The following COL6A6 variants were observed in gnomAD, a reference collection of about 807,000 sequenced individuals.
COL6A6 encodes the protein collagen type VI alpha 6 chain.
A neutral mutation model predicts 208.6 loss-of-function variants in COL6A6; 183 were observed. That is an observed-to-expected ratio of 0.88 (90% CI 0.78 to 0.99). COL6A6 has a LOEUF of 0.99. Ranked by LOEUF, COL6A6 falls within the 50% of genes least tolerant of loss-of-function variation. COL6A6 has a pLI of 0.00. For missense variants in COL6A6, 2,816 were observed against 2,815.2 expected, an observed-to-expected ratio of 1.00 and a Z score of -0.01; for synonymous variants, 973 against 1,011.8, an observed-to-expected ratio of 0.96 and a Z score of 0.73.
chr3:130,529,585 C>T (rs1021970023), intron 1 of COL6A6, among the ~76,000 whole-genome samples: 2 of 152,184 alleles, frequency 1.3e-5, no homozygotes, highest in Non-Finnish European at 2.9e-5. Flanking sequence ...CTGCCTTGGA[C>T]ATGCTGCCTC....
At chr3:130,520,516 G>T (rs892464876) in intron 1 of COL6A6, among the ~76,000 whole-genome samples, 1 of 152,166 alleles carries the variant, frequency 6.6e-6, no homozygotes, top group Non-Finnish European at 1.5e-5. Flanking sequence ...GCTAATATAA[G>T]TCATGTACAG....
intron 10 of COL6A6, 146 bp downstream of exon 10, chr3:130,582,214 A>G: frequency 1.7e-6 from 1 of 596,082 alleles, no homozygotes; most frequent in Non-Finnish European, 2.9e-6. Context: ...TAGGCAGAAC[A>G]AATGAGCTCT....
In COL6A6 at chr3:130,582,053, G is replaced by T; in HGVS notation, c.3955G>T (p.Glu1319Ter). The T allele has an allele frequency of 6.3e-7, 1 of 1,598,082 alleles. No individual in the cohort carries two copies. The highest frequency in any genetic ancestry group is 1.1e-5 in the South Asian group (1 of 89,616). The part of the protein sequence containing the change: ...DVEKLEQKSD[E>*]LRKEGLNALI... ...TGAGAAACTTGAACAAAAATCTGAT[G>T]AACTTAGAAAAGAAGGTACTGAGTA... Residue 1319 changes from glutamate (E) to a stop codon, truncating the protein, a stop_gained, in exon 10 of 37, where the codon GAA becomes TAA. Transcript: ENST00000358511. LOFTEE classifies it high-confidence loss of function.
In COL6A6 at chr3:130,676,073, A is replaced by T. The variant is rs1356668835; in HGVS notation, c.*676A>T. On this transcript the variant is annotated 3_prime_UTR_variant, in exon 37 of 37. Transcript: ENST00000358511. ...CATTAGGAAGCTTACTGCCATTTTG[A>T]TGGAGCTTGAAGCCCCCATTTTGAT... 6.6e-6 allele frequency: 1 copy of T among 152,202 alleles called. No homozygotes were observed. Among genetic ancestry groups the T allele is most frequent in the African/African-American group, 2.4e-5 (1 of 41,454 alleles). 9.4% of individuals were successfully genotyped at this position (152,202 alleles called of 1,614,324 possible). A position where few individuals can be genotyped will look rare whatever the true frequency, so the allele number is the denominator to read the frequency against.
chr3:130,601,102 T>G (rs1194439886), intron 20 of COL6A6, among the ~76,000 whole-genome samples: 1 of 152,234 alleles, frequency 6.6e-6, no homozygotes, highest in Non-Finnish European at 1.5e-5. Flanking sequence ...AAAATATACT[T>G]AGATGCCTAC....
intron 22 of COL6A6, among the ~76,000 whole-genome samples, chr3:130,610,026 A>G (rs77636404): frequency 0.033 from 4,997 of 150,046 alleles, 312 homozygotes; most frequent in African/African-American, 0.12. Flanking sequence ...AAGCATTTCA[A>G]TAGATTGACT....
chr3:130,653,771 A>G (rs114782048), intron 33 of COL6A6, among the ~76,000 whole-genome samples: 281 of 152,312 alleles, frequency 1.8e-3, no homozygotes, highest in Admixed American at 4.3e-3. Flanking sequence ...CTAAAACTAC[A>G]TCTTCCAGAC....
At chr3:130,518,172 TG>T (rs1488093386) in intron 1 of COL6A6, among the ~76,000 whole-genome samples, 1 of 152,190 alleles carries the variant, frequency 6.6e-6, no homozygotes, top group Non-Finnish European at 1.5e-5. Flanking sequence ...GAGGACCTTT[TG>T]CCAGTGGATG....
At chr3:130,653,440 T>C (rs1284769653) in intron 33 of COL6A6, among the ~76,000 whole-genome samples, 11 of 152,228 alleles carry the variant, frequency 7.2e-5, no homozygotes, top group Non-Finnish European at 1.6e-4. Context: ...TTATATATAA[T>C]TGTCTAGAAG....
rs192688320 is a variant in COL6A6 at position 130,612,717 on chromosome 3, T to C, written c.4815+2006T>C. On this transcript the variant is annotated intron_variant, in intron 23 of 36. Coordinates refer to ENST00000358511, the MANE Select transcript of COL6A6 (RefSeq NM_001102608.3). Reference sequence around the variant, plus strand: ...AATGAGGCCCCTCTGGTGAGGTCTATGTACATGAGGGTGAGAGGTGGGTTA... The same window carrying C: ...AATGAGGCCCCTCTGGTGAGGTCTACGTACATGAGGGTGAGAGGTGGGTTA... 1.4e-3 allele frequency among the ~76,000 whole-genome samples: 209 copies of C among 152,092 alleles called. 1 individual carries two copies. The highest frequency in any genetic ancestry group is 4.4e-3 in the African/African-American group (183 of 41,500).
Position 130,567,201 on chromosome 3 carries a change from T to C in COL6A6, c.1782T>C (p.His594=). The C allele has an allele frequency of 6.2e-7, 1 of 1,613,338 alleles. No individual in the cohort carries two copies. The highest frequency in any genetic ancestry group is 8.5e-7 in the Non-Finnish European group (1 of 1,179,868). The change falls in exon 5 of 37, where the codon CAT becomes CAC. Residue 594 remains histidine (H), a synonymous_variant. Coordinates refer to ENST00000358511, the MANE Select transcript of COL6A6 (RefSeq NM_001102608.3). The stretch of plus-strand genomic sequence containing the variant: ...AGGAAAAGAGAGTGTATTACGTGCA[T>C]GACTTTGATGCATTGAAAGACATAA... ...AGEEKRVYYV[H]DFDALKDIRN...
At chr3:130,651,218 G>C (rs1456280353) in intron 33 of COL6A6, among the ~76,000 whole-genome samples, 2 of 152,070 alleles carry the variant, frequency 1.3e-5, no homozygotes, top group Non-Finnish European at 2.9e-5. Flanking sequence ...ACGAGGTCCA[G>C]AGATTGAGAC....
chr3:130,622,483 A>G (rs1313577194), intron 24 of COL6A6, among the ~76,000 whole-genome samples: 1 of 152,148 alleles, frequency 6.6e-6, no homozygotes, highest in African/African-American at 2.4e-5. Flanking sequence ...ATGACATAAA[A>G]TAAAGATAAG....
intron 36 of COL6A6, 96 bp from the exon 37 acceptor site, chr3:130,675,106 T>C: frequency 1.3e-6 from 1 of 796,280 alleles, no homozygotes; most frequent in Admixed American, 3.5e-5. Context: ...AACAAGGAAA[T>C]GGGTGAAACA....
At chr3:130,546,859 T>G (rs1364491669) in intron 1 of COL6A6, among the ~76,000 whole-genome samples, 1 of 151,916 alleles carries the variant, frequency 6.6e-6, no homozygotes, top group African/African-American at 2.4e-5. Context: ...AAGTCCCCAC[T>G]AGATTAGCTA....
chr3:130,521,117 T>TAAAAAG (rs1235791437), intron 1 of COL6A6, among the ~76,000 whole-genome samples: 1 of 152,208 alleles, frequency 6.6e-6, no homozygotes, highest in East Asian at 1.9e-4. Flanking sequence ...GAACATTGAT[T>TAAAAAG]TGACTCTAAA....
intron 23 of COL6A6, among the ~76,000 whole-genome samples, chr3:130,615,539 C>T (rs1219741977): frequency 2.0e-5 from 3 of 152,122 alleles, no homozygotes; most frequent in African/African-American, 7.2e-5. Context: ...TGTTTTAAAG[C>T]ATGTTAATTA....
intron 23 of COL6A6, among the ~76,000 whole-genome samples, chr3:130,617,262 G>T (rs376950479): frequency 6.6e-6 from 1 of 152,212 alleles, no homozygotes; most frequent in African/African-American, 2.4e-5. Flanking sequence ...CTAGCCTCAC[G>T]TATACCCAAT....
intron 1 of COL6A6, among the ~76,000 whole-genome samples, chr3:130,528,688 T>A (rs1053509316): frequency 2.0e-5 from 3 of 152,190 alleles, no homozygotes; most frequent in Non-Finnish European, 2.9e-5. Context: ...TAGGTTCAGA[T>A]GCACATCAAA....
Sources: gnomAD v4.1 joint callset for allele counts (sites outside exome capture counted in the v4.1 genomes callset) on GRCh38, gnomAD v4.1.1 for gene constraint, MANE v1.5 for transcripts, NCBI Gene and HGNC (gene_info 2026-07-23, HGNC 2026-07-21) for gene names.